PIGN: variants seen among roughly 807,000 people sequenced by gnomAD.
PIGN encodes the protein phosphatidylinositol glycan anchor biosynthesis class N.
PIGN carries 117 observed loss-of-function variants against 125.4 expected under a neutral mutation model. The ratio of observed to expected loss-of-function variants is 0.93; its 90% CI spans 0.80 to 1.09. The LOEUF is 1.09. Ranked by LOEUF, PIGN falls within the 50% of genes least tolerant of loss-of-function variation. PIGN has a pLI of 0.00. For missense variants in PIGN, 1,075 were observed against 1,094.9 expected (o/e 0.98, Z 0.26); for synonymous variants, 392 against 377.8 (o/e 1.04, Z -0.44).
At chr18:62,127,548 A>G (rs114149012) in intron 14 of PIGN, among the ~76,000 whole-genome samples, 49 of 152,304 alleles carry the variant, frequency 3.2e-4, no homozygotes, top group African/African-American at 1.1e-3. Flanking sequence ...TAAATGAGCG[A>G]ACACTGATAA....
chr18:62,147,394 T>C (rs2036372999), intron 8 of PIGN, among the ~76,000 whole-genome samples: 1 of 152,246 alleles, frequency 6.6e-6, no homozygotes, highest in South Asian at 2.1e-4. Context: ...TTCATGTCTC[T>C]CACTCTTACT....
chr18:62,132,566 G>A (rs2147024232), intron 14 of PIGN, among the ~76,000 whole-genome samples: 1 of 151,764 alleles, frequency 6.6e-6, no homozygotes, highest in South Asian at 2.1e-4. Context: ...TTACAGTCAG[G>A]CACAGTAGCT....
At chr18:62,022,055 T>C (rs73964832) in intron 23 of PIGN, among the ~76,000 whole-genome samples, 2,715 of 152,288 alleles carry the variant, frequency 0.018, 71 homozygotes, top group African/African-American at 0.062. Flanking sequence ...CATGTGGCCC[T>C]TCCACAACAT....
intron 14 of PIGN, among the ~76,000 whole-genome samples, chr18:62,125,892 A>G (rs2035517999): frequency 6.6e-6 from 1 of 152,076 alleles, no homozygotes; most frequent in South Asian, 2.1e-4. Context: ...TTTTCATGAC[A>G]TCATACATAA....
At chr18:62,082,817 T>A in intron 27 of PIGN, 71 bp from the exon 28 acceptor site, 1 of 792,112 alleles carries the variant, frequency 1.3e-6, no homozygotes, top group Non-Finnish European at 2.1e-6. Flanking sequence ...AAAATACTAT[T>A]TCTGCTTACA....
chr18:62,145,353 A>G (rs906517859), intron 10 of PIGN, among the ~76,000 whole-genome samples: 3 of 152,174 alleles, frequency 2.0e-5, no homozygotes, highest in Non-Finnish European at 4.4e-5. Flanking sequence ...TATATAAGAA[A>G]TCGCCCTCTG....
chr18:62,154,595 CA>C lies in PIGN; in HGVS notation c.498del (p.Phe166LeufsTer34). On this transcript the variant is annotated frameshift_variant, in exon 7 of 31. Transcript: ENST00000640252. LOFTEE classifies it high-confidence loss of function. ...TCCAGTTTTGTTGCATCTTGAGCACCAAAATCCTCTCTTTTAGCATCATAAC... is the reference window on the plus strand; with the variant it reads ...TCCAGTTTTGTTGCATCTTGAGCACCAAATCCTCTCTTTTAGCATCATAAC... ...TYSYDAKREDFGAQDATKLDT... is the reference protein window; with the variant it reads ...TYSYDAKREDXGAQDATKLDT... 1.3e-6 allele frequency: 2 copies of C among 1,597,556 alleles called. No individual in the cohort carries two copies. The highest frequency in any genetic ancestry group is 8.6e-7 in the Non-Finnish European group (1 of 1,166,040).
intron 23 of PIGN, among the ~76,000 whole-genome samples, chr18:62,018,576 AC>A (rs1390594554): frequency 6.6e-6 from 1 of 152,170 alleles, no homozygotes; most frequent in African/African-American, 2.4e-5. Flanking sequence ...CCTGTTACAT[AC>A]CTTTACCTTG....
intron 30 of PIGN, among the ~76,000 whole-genome samples, chr18:62,066,690 C>T (rs767566105): frequency 2.8e-4 from 42 of 152,200 alleles, no homozygotes; most frequent in Non-Finnish European, 4.4e-4. Context: ...TAGCAATGCA[C>T]AGCCTTGCTG....
intron 23 of PIGN, among the ~76,000 whole-genome samples, chr18:62,033,232 C>A (rs529347732): frequency 1.3e-5 from 2 of 152,136 alleles, no homozygotes; most frequent in African/African-American, 2.4e-5. Flanking sequence ...TAGAAATCCA[C>A]GCAAATAAGA....
At chr18:62,127,003 T>C (rs1215876628) in intron 14 of PIGN, among the ~76,000 whole-genome samples, 3 of 152,182 alleles carry the variant, frequency 2.0e-5, no homozygotes, top group African/African-American at 7.2e-5. Context: ...ATCTTGTCAA[T>C]CTTAAAGCAG....
At chr18:62,092,434 C>A (rs1163503261) in intron 23 of PIGN, among the ~76,000 whole-genome samples, 1 of 151,590 alleles carries the variant, frequency 6.6e-6, no homozygotes, top group Admixed American at 6.6e-5. Context: ...GAGAAGTGAA[C>A]AAAGGAAATA....
At chr18:62,017,956 G>A (rs1400518942) in intron 23 of PIGN, among the ~76,000 whole-genome samples, 1 of 152,196 alleles carries the variant, frequency 6.6e-6, no homozygotes, top group Non-Finnish European at 1.5e-5. Flanking sequence ...AAGAGACAGG[G>A]ACAATGAATT....
Position 62,044,300 on chromosome 18 carries a change from A to T in PIGN, c.*1556T>A, listed in dbSNP as rs1189445978. ...GAAAAGATAAAAGGCAAAACTACACATAGAAAAAGGTCAGTGATAAGTGTT... is the reference window on the plus strand; with the variant it reads ...GAAAAGATAAAAGGCAAAACTACACTTAGAAAAAGGTCAGTGATAAGTGTT... On this transcript the variant is annotated 3_prime_UTR_variant, in exon 31 of 31. Transcript: ENST00000640252. 3 of 152,238 alleles carry T rather than the reference A, an allele frequency of 2.0e-5. No individual in the cohort carries two copies. Among genetic ancestry groups the T allele is most frequent in the African/African-American group, 7.2e-5 (3 of 41,466 alleles). The allele number at this position is 152,238 out of a possible 1,614,324, so 9.4% of individuals were successfully genotyped here. A position where few individuals can be genotyped will look rare whatever the true frequency, so the allele number is the denominator to read the frequency against.
At chr18:62,145,601 T>C (rs938278517) in intron 10 of PIGN, among the ~76,000 whole-genome samples, 4 of 152,198 alleles carry the variant, frequency 2.6e-5, no homozygotes, top group Non-Finnish European at 4.4e-5. Context: ...TCTTTTTTAA[T>C]TTTTATTTAC....
chr18:62,112,492 G>A (rs948534917), intron 16 of PIGN: 3 of 152,044 alleles, frequency 2.0e-5, no homozygotes, highest in African/African-American at 7.2e-5. Context: ...TTTTAATGTA[G>A]TAAAACCATA....
chr18:62,088,719 T>C (rs778716734), intron 25 of PIGN, 37 bp downstream of exon 25: 11 of 1,099,414 alleles, frequency 1.0e-5, no homozygotes, highest in Non-Finnish European at 1.4e-5. Context: ...TAAGTGGGAG[T>C]TGCAGCTCTT....
intron 14 of PIGN, among the ~76,000 whole-genome samples, chr18:62,130,825 A>G (rs1217933279): frequency 6.6e-6 from 1 of 152,076 alleles, no homozygotes; most frequent in Non-Finnish European, 1.5e-5. Context: ...TAGAATGTCT[A>G]TTTAAAGGGA....
intron 30 of PIGN, chr18:62,058,680 T>C (rs1219526734): frequency 6.6e-6 from 1 of 152,236 alleles, no homozygotes; most frequent in African/African-American, 2.4e-5. Flanking sequence ...ACTGAGACAC[T>C]GAATTATGAA....
Sources: gnomAD v4.1 joint callset for allele counts (sites outside exome capture counted in the v4.1 genomes callset) on GRCh38, gnomAD v4.1.1 for gene constraint, MANE v1.5 for transcripts, NCBI Gene and HGNC (gene_info 2026-07-23, HGNC 2026-07-21) for gene names.